Variants in MAP7D3 observed in about 807,000 individuals in gnomAD.
MAP7D3 encodes the protein MAP7 domain-containing protein 3.
Under a neutral mutation model 62.2 loss-of-function variants are expected in MAP7D3, and 45 were observed. The ratio of observed to expected loss-of-function variants is 0.72; its 90% confidence interval spans 0.57 to 0.93. The LOEUF (loss-of-function observed/expected upper bound fraction) is 0.93, where lower values mean the gene tolerates loss of function less well. Among genes scored for constraint, MAP7D3 ranks in the 40% least tolerant of loss-of-function variants. MAP7D3 has a pLI of 0.00. For missense variants in MAP7D3, 711 were observed against 683.1 expected (o/e 1.04, Z -0.45); for synonymous variants, 288 against 248.8 (o/e 1.16, Z -1.48).
At chrX:136,235,298 C>T (rs2074316663) in intron 7 of MAP7D3, among the ~76,000 whole-genome samples, 1 of 112,478 alleles carries the variant, frequency 8.9e-6, no homozygotes, top group Non-Finnish European at 1.9e-5. Flanking sequence ...AATAAATCTT[C>T]ATGTTCATAA....
intron 9 of MAP7D3, 30 bp downstream of exon 9, chrX:136,230,807 CTA>C: frequency 8.4e-7 from 1 of 1,190,099 alleles, no homozygotes; most frequent in Non-Finnish European, 1.1e-6. Context: ...AGTAAAACGC[CTA>C]TCAGGAACAG....
At position 136,222,426 on chromosome X, in the gene MAP7D3, C is replaced by T. The variant is rs753724897; in HGVS notation, c.2254G>A (p.Asp752Asn). ...AACATTTCATTCAATGAGTCCTTGT[C>T]GCTTTCTTCGTTGTCAGCCTCAGCC... ...EEAEADNEES[D>N]KDSLNEMFPS... Residue 752 changes from aspartate (D) to asparagine (N), a missense_variant, in exon 15 of 19, where the codon GAC (aspartate) becomes AAC (asparagine). Transcript: ENST00000316077. The T allele has an allele frequency of 2.0e-5, 24 of 1,207,938 alleles. No individual in the cohort carries two copies. The highest frequency in any genetic ancestry group is 4.4e-5 in the Admixed American group (2 of 45,694).
At chrX:136,249,003 A>G (rs1364266848) in intron 1 of MAP7D3, among the ~76,000 whole-genome samples, 1 of 112,617 alleles carries the variant, frequency 8.9e-6, no homozygotes, top group Non-Finnish European at 1.9e-5. Flanking sequence ...AGCAAAAGCC[A>G]AAGTCATAGG....
At position 136,228,725 on chromosome X, in the gene MAP7D3, T is replaced by C. The variant is rs1452937753; in HGVS notation, c.1784A>G (p.Asn595Ser). The C allele has an allele frequency of 8.3e-7, 1 of 1,204,546 alleles. No homozygotes were observed. Among genetic ancestry groups the C allele is most frequent in the Admixed American group, 2.2e-5 (1 of 45,644 alleles). Residue 595 changes from asparagine to serine, a missense_variant, in exon 11 of 19, where the codon AAT becomes AGT. Transcript: ENST00000316077. ...CAAAATTTTTGTTGCCGCCTCGGCA[T>C]TCATAATACCTGCAGTACTCTTATT... ...SGNKSTAGIM[N>S]AEAATKILTE...
intron 4 of MAP7D3, 116 bp downstream of exon 4, chrX:136,244,516 C>T: frequency 5.0e-6 from 3 of 596,520 alleles, no homozygotes; most frequent in Non-Finnish European, 5.2e-6. Context: ...GAAGAAAGAG[C>T]TGGGATTGGT....
At chrX:136,223,115 T>A (rs1352857339) in intron 14 of MAP7D3, among the ~76,000 whole-genome samples, 2 of 111,462 alleles carry the variant, frequency 1.8e-5, no homozygotes, top group Non-Finnish European at 3.8e-5. Flanking sequence ...GTGCTGGGAT[T>A]ACCAGCGTGA....
intron 3 of MAP7D3, 120 bp from the exon 4 acceptor site, chrX:136,244,915 A>G: frequency 2.0e-6 from 1 of 507,297 alleles, no homozygotes; most frequent in Non-Finnish European, 3.2e-6. Flanking sequence ...AAATAACACA[A>G]CCTGTGCTAG....
At chrX:136,250,839 G>T (rs2074497373) in intron 1 of MAP7D3, among the ~76,000 whole-genome samples, 1 of 111,563 alleles carries the variant, frequency 9.0e-6, no homozygotes, top group African/African-American at 3.2e-5. Context: ...GCCGGCGCGC[G>T]GAGTCCCTGC....
intron 6 of MAP7D3, among the ~76,000 whole-genome samples, chrX:136,239,209 C>G (rs1015525892): frequency 4.5e-5 from 5 of 111,766 alleles, no homozygotes; most frequent in Non-Finnish European, 9.4e-5. Context: ...CCATGTGCTA[C>G]AAGCCAGACA....
chrX:136,226,106 C>G (rs2074194067), intron 12 of MAP7D3, 93 bp from the exon 13 acceptor site: 1 of 564,470 alleles, frequency 1.8e-6, no homozygotes, highest in African/African-American at 2.3e-5. Context: ...TAAATGTTAT[C>G]TAGTATAACA....
chrX:136,236,634 AAAGT>A (rs1328004508), intron 6 of MAP7D3, among the ~76,000 whole-genome samples: 1 of 111,861 alleles, frequency 8.9e-6, no homozygotes, highest in African/African-American at 3.2e-5. Flanking sequence ...CTAATACTTA[AAAGT>A]AATTTACACT....
intron 1 of MAP7D3, among the ~76,000 whole-genome samples, chrX:136,250,478 G>C (rs1288050985): frequency 2.7e-5 from 3 of 111,050 alleles, no homozygotes; most frequent in Non-Finnish European, 3.8e-5. Flanking sequence ...ACGTTTTGGC[G>C]ATGGGACTAG....
upstream of MAP7D3, among the ~76,000 whole-genome samples, chrX:136,252,052 A>G (rs943886718): frequency 3.6e-5 from 4 of 112,437 alleles, no homozygotes; most frequent in Non-Finnish European, 7.5e-5. Context: ...TGTTTTTCCC[A>G]TTCACAAGGA....
chrX:136,245,415 C>T (rs1304425599), intron 3 of MAP7D3, among the ~76,000 whole-genome samples: 2 of 111,832 alleles, frequency 1.8e-5, no homozygotes, highest in Non-Finnish European at 3.8e-5. Flanking sequence ...TTCATCTTAT[C>T]TATGTTAGGA....
chrX:136,233,335 C>T (rs1244391775), intron 7 of MAP7D3, among the ~76,000 whole-genome samples: 5 of 104,280 alleles, frequency 4.8e-5, no homozygotes, highest in Non-Finnish European at 5.8e-5. Context: ...AGTGCAGTGG[C>T]GCAATCTTGG....
In MAP7D3 at chrX:136,232,040, G is replaced by T. The variant is rs762707412; in HGVS notation, c.917C>A (p.Pro306His). 2 of 1,210,993 alleles carry T rather than the reference G, an allele frequency of 1.7e-6. No individual in the cohort carries two copies. The highest frequency in any genetic ancestry group is 2.2e-5 in the Admixed American group (1 of 46,026). ...GAATACTTCCACATTCACCTGGGGG[G>T]GTGCATCCACACTTGCCTTGGGAGG... ...ETPPKASVDAPPQVNVEVFCN... is the reference protein window; with the variant it reads ...ETPPKASVDAHPQVNVEVFCN... Residue 306 changes from proline (P) to histidine (H), a missense_variant, in exon 8 of 19, where the codon CCC becomes CAC. By Grantham distance (77) the Pro-to-His change is moderately conservative. Transcript: ENST00000316077.
In MAP7D3 at chrX:136,244,511, A is replaced by G. The variant is rs763064671; in HGVS notation, c.417+121T>C. The G allele has an allele frequency of 1.8e-4, 104 of 578,321 alleles. 1 individual carries two copies. The African/African-American group carries it at 2.2e-3, about 12-fold the overall frequency. The allele number at this position is 578,321 out of a possible 1,213,427, so 47.7% of individuals were successfully genotyped here. A position where few individuals can be genotyped will look rare whatever the true frequency, so the allele number is the denominator to read the frequency against. On this transcript the variant is annotated intron_variant, in intron 4 of 18. Coordinates refer to ENST00000316077, the MANE Select transcript of MAP7D3 (RefSeq NM_024597.4). Reference sequence around the variant, plus strand: ...TGAGGGGAAGAGGAAGCGAAGAAGAAAGAGCTGGGATTGGTTCCCTTTCTA... The same window carrying G: ...TGAGGGGAAGAGGAAGCGAAGAAGAGAGAGCTGGGATTGGTTCCCTTTCTA...
rs775127994 is a variant in MAP7D3 at position 136,243,655 on chromosome X, A to G, written c.417+977T>C. Among the ~76,000 whole-genome samples the G allele has an allele frequency of 1.2e-4, 13 of 109,949 alleles. No individual in the cohort carries two copies. In the East Asian group the frequency reaches 3.7e-3, roughly 32 times the overall value. The stretch of plus-strand genomic sequence containing the variant: ...GGGGCAGAAGTTGCAGTGAGCCAAG[A>G]TCACGCCACTATACTCCAGCCTGGG... On this transcript the variant is annotated intron_variant, in intron 4 of 18. Coordinates refer to ENST00000316077, the MANE Select transcript of MAP7D3 (RefSeq NM_024597.4).
chrX:136,225,036 T>C (rs756504007), intron 13 of MAP7D3, among the ~76,000 whole-genome samples, 156 bp from the exon 14 acceptor site: 1 of 112,239 alleles, frequency 8.9e-6, no homozygotes, highest in Admixed American at 9.4e-5. Context: ...ACGGTGGCAG[T>C]TGAGTCCCCT....
Sources: gnomAD v4.1 joint callset for allele counts (sites outside exome capture counted in the v4.1 genomes callset) on GRCh38, gnomAD v4.1.1 for gene constraint, MANE v1.5 for transcripts, NCBI Gene and HGNC (gene_info 2026-07-23, HGNC 2026-07-21) for gene names.